Variants in PCM1 observed in about 807,000 individuals in gnomAD.
PCM1 encodes pericentriolar material 1 protein.
A neutral mutation model predicts 241.9 loss-of-function variants in PCM1; 157 were observed. The ratio of observed to expected loss-of-function variants is 0.65; its 90% CI spans 0.57 to 0.74. The LOEUF (loss-of-function observed/expected upper bound fraction) is 0.74. Among genes scored for constraint, PCM1 ranks in the 30% least tolerant of loss-of-function variants. The pLI, the probability that PCM1 is intolerant of heterozygous loss-of-function variation, is 0.00. For missense variants in PCM1, 3,478 were observed against 2,360.1 expected, an observed-to-expected ratio of 1.47 and a Z score of -9.81; for synonymous variants, 1,085 against 784.9, an observed-to-expected ratio of 1.38 and a Z score of -6.39.
At chr8:17,975,568 C>T (rs1385263781) in intron 23 of PCM1, among the ~76,000 whole-genome samples, 1 of 152,066 alleles carries the variant, frequency 6.6e-6, no homozygotes, top group Non-Finnish European at 1.5e-5. Context: ...GAGTGGGGAA[C>T]AAGCAGGATG....
intron 26 of PCM1, among the ~76,000 whole-genome samples, chr8:17,987,410 A>G (rs1353007240): frequency 1.3e-5 from 2 of 151,856 alleles, no homozygotes; most frequent in Non-Finnish European, 3.0e-5. Flanking sequence ...AGTTTCATAC[A>G]GGCAGCATTA....
rs937220916 is a variant in PCM1 at position 17,960,048 on chromosome 8, G to T, written c.2075G>T (p.Ser692Ile). Reference protein sequence around the residue: ...DDAAQGVISASASNLDDFYPA... With the variant: ...DDAAQGVISAIASNLDDFYPA... Reference sequence around the variant, plus strand: ...GCAGCTCAAGGAGTTATCTCTGCCAGTGCATCAAATTTGGATGATTTCTAC... The same window carrying T: ...GCAGCTCAAGGAGTTATCTCTGCCATTGCATCAAATTTGGATGATTTCTAC... Residue 692 changes from serine to isoleucine, a missense_variant, in exon 14 of 39, where the codon AGT becomes ATT. Transcript: ENST00000325083. 1.2e-6 allele frequency: 2 copies of T among 1,612,756 alleles called. No individual in the cohort carries two copies. Among genetic ancestry groups the T allele is most frequent in the Admixed American group, 1.7e-5 (1 of 59,880 alleles).
chr8:17,952,091 C>T lies in PCM1; in HGVS notation c.1072-879C>T, dbSNP rs142429683. Among the ~76,000 whole-genome samples the T allele has an allele frequency of 6.1e-4, 93 of 152,080 alleles. 1 individual carries two copies. Among genetic ancestry groups the T allele is most frequent in the Admixed American group, 1.2e-3 (18 of 15,274 alleles). The stretch of plus-strand genomic sequence containing the variant: ...TGCAAAAATGAGCCAGGTGTGGAGG[C>T]ATGCACCTGTAATCTCAGCTGCTTG... On this transcript the variant is annotated intron_variant, in intron 8 of 38. Coordinates refer to ENST00000325083, the MANE Select transcript of PCM1 (RefSeq NM_006197.4).
intron 23 of PCM1, among the ~76,000 whole-genome samples, chr8:17,972,980 A>AT (rs1405319888): frequency 5.9e-5 from 9 of 151,716 alleles, no homozygotes; most frequent in African/African-American, 1.9e-4. Context: ...CACGTTTACT[A>AT]TTTTTTTTCT....
At position 17,989,958 on chromosome 8, in the gene PCM1, C is replaced by T; in HGVS notation, c.4510C>T (p.Pro1504Ser). The T allele has an allele frequency of 3.3e-6, 5 of 1,532,638 alleles. No homozygotes were observed. Among genetic ancestry groups the T allele is most frequent in the Non-Finnish European group, 4.4e-6 (5 of 1,138,202 alleles). 94.9% of individuals were successfully genotyped at this position (1,532,638 alleles called of 1,614,324 possible). A position where few individuals can be genotyped will look rare whatever the true frequency, so the allele number is the denominator to read the frequency against. ...SVLSVSSNFE[P>S]FATDDLGNTV... is the part of the protein sequence containing the mutation. ...CCTGTCTGTATCATCAAATTTTGAGCCTTTTGCAACAGATGATCTAGGTAA... is the reference window on the plus strand; with the variant it reads ...CCTGTCTGTATCATCAAATTTTGAGTCTTTTGCAACAGATGATCTAGGTAA... The change falls in exon 27 of 39, where the codon CCT (proline) becomes TCT (serine). Residue 1504 changes from proline to serine, a missense_variant. By Grantham distance (74) the Pro-to-Ser change is moderately conservative (BLOSUM62 -1). Transcript: ENST00000325083.
chr8:17,997,820 T>G (rs1588135406), intron 29 of PCM1, among the ~76,000 whole-genome samples: 2 of 150,312 alleles, frequency 1.3e-5, no homozygotes, highest in Non-Finnish European at 1.5e-5. Context: ...AGGTCAGGAG[T>G]TTGAGACCAG....
intron 36 of PCM1, among the ~76,000 whole-genome samples, chr8:18,019,120 C>T (rs935398585): frequency 6.6e-6 from 1 of 151,822 alleles, no homozygotes; most frequent in Non-Finnish European, 1.5e-5. Context: ...CTGCTTATAC[C>T]TGGAAGAACC....
intron 29 of PCM1, among the ~76,000 whole-genome samples, chr8:17,995,339 A>G (rs1193630990): frequency 6.6e-6 from 1 of 150,998 alleles, no homozygotes; most frequent in African/African-American, 2.5e-5. Flanking sequence ...AGTTTATTGT[A>G]GGTATGTGGA....
chr8:17,970,431 A>ATTTTTTTTTTT (rs11399726), intron 22 of PCM1, among the ~76,000 whole-genome samples: 1 of 142,956 alleles, frequency 7.0e-6, no homozygotes, highest in African/African-American at 2.5e-5. Context: ...ATTAACTGGG[A>ATTTTTTTTTTT]TTTTTTTTTT....
chr8:18,027,503 G>C (rs1200366054), intron 38 of PCM1, 134 bp from the exon 39 acceptor site: 5 of 563,978 alleles, frequency 8.9e-6, no homozygotes, highest in Non-Finnish European at 1.6e-5. Flanking sequence ...TTAGGGAATT[G>C]TATTAGCAAG....
At chr8:17,968,382 G>A (rs911869303) in intron 21 of PCM1, among the ~76,000 whole-genome samples, 1 of 152,160 alleles carries the variant, frequency 6.6e-6, no homozygotes, top group Non-Finnish European at 1.5e-5. Context: ...GAAAGTGTTC[G>A]GGAGAAGTTG....
Position 17,990,805 on chromosome 8 carries a change from G to A in PCM1, c.4532-737G>A, listed in dbSNP as rs184128115. On this transcript the variant is annotated intron_variant, in intron 27 of 38. Transcript: ENST00000325083. ...ACTATAAAGAAAAGGACTTAGCCTT[G>A]CCCTATCATTACATTCCTACTGTTC... is the stretch of plus-strand genomic sequence containing the variant. Among the ~76,000 whole-genome samples the A allele has an allele frequency of 2.6e-5, 4 of 152,170 alleles. No homozygotes were observed. In the East Asian group the frequency reaches 7.7e-4, roughly 29 times the overall value.
At chr8:17,954,272 A>C (rs533497102) in intron 9 of PCM1, among the ~76,000 whole-genome samples, 1 of 152,254 alleles carries the variant, frequency 6.6e-6, no homozygotes, top group East Asian at 1.9e-4. Context: ...TACTAAAAGT[A>C]CAAAAGTAGC....
intron 9 of PCM1, among the ~76,000 whole-genome samples, chr8:17,953,989 C>G (rs1029334758): frequency 6.6e-6 from 1 of 152,220 alleles, no homozygotes; most frequent in African/African-American, 2.4e-5. Context: ...TATTCTCCAC[C>G]TATCTCCTTT....
At chr8:17,925,874 C>T (rs981039250) in intron 2 of PCM1, 3 of 152,130 alleles carry the variant, frequency 2.0e-5, no homozygotes, top group Non-Finnish European at 4.4e-5. Context: ...AATATATATT[C>T]TTGCTTTCTA....
At chr8:17,970,167 A>G (rs2076357885) in intron 22 of PCM1, among the ~76,000 whole-genome samples, 1 of 152,122 alleles carries the variant, frequency 6.6e-6, no homozygotes, top group South Asian at 2.1e-4. Context: ...ATTAGATTAT[A>G]AAAACAACTT....
At position 18,014,706 on chromosome 8, in the gene PCM1, C is replaced by A; in HGVS notation, c.5707C>A (p.Pro1903Thr). Residue 1903 changes from proline (P) to threonine (T), a missense_variant, in exon 36 of 39, where the codon CCT (proline) becomes ACT (threonine). By Grantham distance (38) the Pro-to-Thr change is conservative. Coordinates refer to ENST00000325083, the MANE Select transcript of PCM1 (RefSeq NM_006197.4). ...PTVDSTQQPN[P>T]LPLRLPEMEP... ...TGTTGATTCAACTCAACAGCCTAAC[C>A]CTTTGCCGTTACGTTTACCTGAAAT... 1 of 1,613,398 alleles carries A rather than the reference C, an allele frequency of 6.2e-7. No homozygotes were observed. Among genetic ancestry groups the A allele is most frequent in the Non-Finnish European group, 8.5e-7 (1 of 1,179,820 alleles).
At chr8:17,930,203 A>T (rs2058554235) in intron 2 of PCM1, among the ~76,000 whole-genome samples, 1 of 147,296 alleles carries the variant, frequency 6.8e-6, no homozygotes, top group African/African-American at 2.5e-5. Flanking sequence ...TCCTGGGTTC[A>T]CACCATTCTG....
chr8:17,933,834 T>G (rs1020142836), intron 2 of PCM1, among the ~76,000 whole-genome samples: 2 of 152,180 alleles, frequency 1.3e-5, no homozygotes, highest in Non-Finnish European at 2.9e-5. Flanking sequence ...AAGTAACTGA[T>G]ATGTAGCATT....
Sources: allele counts gnomAD v4.1 joint callset (sites outside exome capture counted in the v4.1 genomes callset), GRCh38; gene constraint gnomAD v4.1.1; transcripts MANE v1.5; gene names NCBI Gene and HGNC (gene_info 2026-07-23, HGNC 2026-07-21).